The following TOMM70 variants were observed in gnomAD, a reference collection of about 807,000 sequenced individuals.
The protein encoded by TOMM70 is translocase of outer mitochondrial membrane 70, also known as mitochondrial import receptor subunit TOM70.
A neutral mutation model predicts 73.6 loss-of-function variants in TOMM70; 13 were observed. The observed-to-expected ratio is 0.18, with a 90% confidence interval of 0.11 to 0.28. The LOEUF (loss-of-function observed/expected upper bound fraction) is 0.28. Among genes scored for constraint, TOMM70 ranks in the 10% least tolerant of loss-of-function variants. The pLI, the probability that TOMM70 is intolerant of heterozygous loss-of-function variation, is 1.00. For synonymous variants in TOMM70, 257 were observed against 271.2 expected, an observed-to-expected ratio of 0.95 and a Z score of 0.51; for missense variants, 609 against 747.5, an observed-to-expected ratio of 0.81 and a Z score of 2.16.
intron 2 of TOMM70, 41 bp downstream of exon 2, chr3:100,386,764 G>A (rs765465937): frequency 1.5e-5 from 23 of 1,579,228 alleles, no homozygotes; most frequent in Non-Finnish European, 1.9e-5. Flanking sequence ...AGCAAATAAA[G>A]AGAAAGAAAA....
Position 100,369,063 on chromosome 3 carries a change from T to C in TOMM70, c.1525A>G (p.Asn509Asp). Residue 509 changes from asparagine to aspartate, a missense_variant, in exon 10 of 12, where the codon AAT (asparagine) becomes GAT (aspartate). Around this residue, in one of 2 missense-constraint regions of TOMM70, gnomAD observed 432 missense variants for 584.1 expected, o/e 0.74. Transcript: ENST00000284320. ...CCTTTATGAACATATGTTGTAGCAT[T>C]ATCTGGTTCCAAATCAATACATTTA... ...YDKCIDLEPD[N>D]ATTYVHKGLL... The C allele has an allele frequency of 6.2e-7, 1 of 1,612,092 alleles. No individual in the cohort carries two copies. The highest frequency in any genetic ancestry group is 8.5e-7 in the Non-Finnish European group (1 of 1,178,564).
At chr3:100,381,815 A>C in intron 4 of TOMM70, 52 bp from the exon 5 acceptor site, 2 of 1,519,222 alleles carry the variant, frequency 1.3e-6, no homozygotes, top group Non-Finnish European at 1.8e-6. Context: ...CCAACCAAAG[A>C]AGCAGGTACA....
intron 10 of TOMM70, among the ~76,000 whole-genome samples, chr3:100,368,479 G>T (rs894573684): frequency 6.6e-6 from 1 of 152,188 alleles, no homozygotes; most frequent in Non-Finnish European, 1.5e-5. Flanking sequence ...ACGAACACTT[G>T]TGTATGCTTC....
intron 1 of TOMM70, among the ~76,000 whole-genome samples, chr3:100,395,099 G>A (rs116686410): frequency 0.017 from 2,620 of 152,290 alleles, 36 homozygotes; most frequent in East Asian, 0.06. Flanking sequence ...GCCAGGCGCG[G>A]TGGCTCACGC....
intron 1 of TOMM70, among the ~76,000 whole-genome samples, chr3:100,395,511 C>T (rs1340866837): frequency 6.8e-6 from 1 of 146,220 alleles, no homozygotes; most frequent in Non-Finnish European, 1.5e-5. Flanking sequence ...CCACTGCACT[C>T]CAGCCTGGGT....
chr3:100,392,443 A>G (rs1706774107), intron 1 of TOMM70, among the ~76,000 whole-genome samples: 1 of 152,120 alleles, frequency 6.6e-6, no homozygotes, highest in Non-Finnish European at 1.5e-5. Flanking sequence ...TTTGAGACAG[A>G]GTCTTGCTCT....
At chr3:100,395,295 G>C (rs1196981206) in intron 1 of TOMM70, among the ~76,000 whole-genome samples, 2 of 152,074 alleles carry the variant, frequency 1.3e-5, no homozygotes, top group African/African-American at 4.8e-5. Flanking sequence ...GTTGAACCCG[G>C]GAGGCAGAGG....
chr3:100,365,783 A>C, intron 11 of TOMM70, 66 bp from the exon 12 acceptor site: 1 of 1,566,128 alleles, frequency 6.4e-7, no homozygotes, highest in East Asian at 2.2e-5. Flanking sequence ...TGAAGGTTGT[A>C]AGTGATGGTA....
intron 1 of TOMM70, among the ~76,000 whole-genome samples, chr3:100,388,181 G>C (rs886715212): frequency 3.3e-5 from 5 of 152,192 alleles, no homozygotes; most frequent in African/African-American, 1.2e-4. Flanking sequence ...TCAGGACTAT[G>C]AATATGTGCC....
intron 1 of TOMM70, among the ~76,000 whole-genome samples, chr3:100,392,537 T>TC (rs1179292665): frequency 6.6e-6 from 1 of 152,024 alleles, no homozygotes; most frequent in Non-Finnish European, 1.5e-5. Context: ...TGCCTCAGCC[T>TC]CCTGAGTAGC....
intron 11 of TOMM70, among the ~76,000 whole-genome samples, chr3:100,366,982 G>A (rs1017246971): frequency 2.0e-5 from 3 of 152,214 alleles, no homozygotes; most frequent in Non-Finnish European, 2.9e-5. Context: ...CACTTCAGGA[G>A]GCTGAGATGG....
chr3:100,398,708 C>A (rs1438440132), intron 1 of TOMM70, among the ~76,000 whole-genome samples: 1 of 152,120 alleles, frequency 6.6e-6, no homozygotes, highest in Non-Finnish European at 1.5e-5. Flanking sequence ...TCCTCTTATT[C>A]TACAGGGATG....
In TOMM70 at chr3:100,378,705, A is replaced by T. The variant is rs35121855; in HGVS notation, c.885-793T>A. Among the ~76,000 whole-genome samples the T allele has an allele frequency of 2.7e-4, 41 of 152,296 alleles. 1 individual carries two copies. Among genetic ancestry groups the T allele is most frequent in the Admixed American group, 4.6e-4 (7 of 15,290 alleles). On this transcript the variant is annotated intron_variant, in intron 5 of 11. Coordinates refer to ENST00000284320, the MANE Select transcript of TOMM70 (RefSeq NM_014820.5). The stretch of plus-strand genomic sequence containing the variant: ...AGGCAAGGGGTGTGAGCAGACCTAG[A>T]ATTAATAACTGAACTTATTGGCTGG...
At chr3:100,372,426 G>T in intron 9 of TOMM70, 180 bp downstream of exon 9, 1 of 456,036 alleles carries the variant, frequency 2.2e-6, no homozygotes. Flanking sequence ...TCCAAATTGT[G>T]TAACAAAGGA....
chr3:100,373,142 T>TAAA (rs58081220), intron 8 of TOMM70, among the ~76,000 whole-genome samples: 1 of 135,022 alleles, frequency 7.4e-6, no homozygotes. Context: ...AATTTTTACT[T>TAAA]AAAAAAAAAA....
intron 8 of TOMM70, among the ~76,000 whole-genome samples, chr3:100,373,266 T>G (rs1379310246): frequency 6.6e-6 from 1 of 152,114 alleles, no homozygotes; most frequent in Admixed American, 6.6e-5. Flanking sequence ...CCTCAAAATG[T>G]TTTTGCTCTT....
chr3:100,390,011 G>C (rs1451054268), intron 1 of TOMM70, among the ~76,000 whole-genome samples: 1 of 152,142 alleles, frequency 6.6e-6, no homozygotes, highest in East Asian at 1.9e-4. Flanking sequence ...CTGCACTCCA[G>C]CCTGGGAGAC....
At chr3:100,378,143 T>C (rs888494484) in intron 5 of TOMM70, among the ~76,000 whole-genome samples, 2 of 151,726 alleles carry the variant, frequency 1.3e-5, no homozygotes, top group Non-Finnish European at 2.9e-5. Flanking sequence ...CTTAGGAGGC[T>C]GAGGCAGGAG....
intron 1 of TOMM70, among the ~76,000 whole-genome samples, chr3:100,393,981 GACT>G (rs1706792681): frequency 2.0e-5 from 3 of 152,274 alleles, no homozygotes; most frequent in Middle Eastern, 6.8e-3. Flanking sequence ...ACGATTACAT[GACT>G]ACATTGCAAA....
Sources: allele counts gnomAD v4.1 joint callset (sites outside exome capture counted in the v4.1 genomes callset), GRCh38; gene constraint gnomAD v4.1.1; regional missense constraint gnomAD v4.1.1; transcripts MANE v1.5; gene names NCBI Gene and HGNC (gene_info 2026-07-23, HGNC 2026-07-21).